The following SPOCK1 variants were observed in gnomAD, a reference collection of about 807,000 sequenced individuals.
SPOCK1 encodes testican-1.
A neutral mutation model predicts 55.3 loss-of-function variants in SPOCK1; 23 were observed. The ratio of observed to expected loss-of-function variants is 0.42; its 90% CI spans 0.30 to 0.59. The LOEUF is 0.59. SPOCK1 is among the 20% of genes least tolerant of loss of function. SPOCK1 has a pLI of 0.22. For synonymous variants in SPOCK1, 226 were observed against 221.0 expected (o/e 1.02, Z -0.20); for missense variants, 499 against 552.5 (o/e 0.90, Z 0.97).
At chr5:137,080,303 T>G (rs1175265905) in intron 5 of SPOCK1, among the ~76,000 whole-genome samples, 1 of 152,218 alleles carries the variant, frequency 6.6e-6, no homozygotes, top group Non-Finnish European at 1.5e-5. Flanking sequence ...TTCTAAAGTC[T>G]GTGCTCTTAA....
chr5:136,992,419 G>A (rs1045363654), intron 7 of SPOCK1, 65 bp downstream of exon 7: 1 of 1,233,922 alleles, frequency 8.1e-7, no homozygotes, highest in Non-Finnish European at 1.1e-6. Flanking sequence ...ACCCCCAAAT[G>A]ATATTGCTAA....
chr5:137,483,336 T>TA (rs1368675818), intron 2 of SPOCK1, among the ~76,000 whole-genome samples: 3 of 152,040 alleles, frequency 2.0e-5, no homozygotes, highest in African/African-American at 7.2e-5. Flanking sequence ...ATCCCAGAAA[T>TA]AAAAATAAAA....
Position 136,978,159 on chromosome 5 carries a change from C to T in SPOCK1, c.*495G>A, listed in dbSNP as rs1030256458. 9 of 381,948 alleles carry T rather than the reference C, an allele frequency of 2.4e-5. No homozygotes were observed. The highest frequency in any genetic ancestry group is 4.5e-5 in the Admixed American group (1 of 22,242). 23.7% of individuals were successfully genotyped at this position (381,948 alleles called of 1,614,324 possible). A position where few individuals can be genotyped will look rare whatever the true frequency, so the allele number is the denominator to read the frequency against. Reference sequence around the variant, plus strand: ...TTTTAATAATAATCACCGGCAGTAACGGGGGCAGGGGGAAAAAGTACAGTG... The same window carrying T: ...TTTTAATAATAATCACCGGCAGTAATGGGGGCAGGGGGAAAAAGTACAGTG... On this transcript the variant is annotated 3_prime_UTR_variant, in exon 11 of 11. Coordinates refer to ENST00000394945, the MANE Select transcript of SPOCK1 (RefSeq NM_004598.4).
At chr5:137,364,515 G>A (rs918872567) in intron 2 of SPOCK1, among the ~76,000 whole-genome samples, 1 of 152,162 alleles carries the variant, frequency 6.6e-6, no homozygotes, top group Non-Finnish European at 1.5e-5. Context: ...TTGCATGAGG[G>A]TCCCACAGCC....
chr5:137,140,747 A>ATT (rs11309240), intron 3 of SPOCK1, 53 bp from the exon 4 acceptor site: 14,649 of 348,186 alleles, frequency 0.042, 48 homozygotes, highest in East Asian at 0.071. Flanking sequence ...GGGAAATTTA[A>ATT]TTTTTTTTTT....
intron 3 of SPOCK1, among the ~76,000 whole-genome samples, chr5:137,168,409 G>A (rs1357212467): frequency 6.6e-6 from 1 of 152,024 alleles, no homozygotes; most frequent in Non-Finnish European, 1.5e-5. Flanking sequence ...ACAAAGTGAA[G>A]AGACAACCCA....
chr5:137,340,618 C>A (rs577369941), intron 2 of SPOCK1, among the ~76,000 whole-genome samples: 10 of 152,134 alleles, frequency 6.6e-5, no homozygotes, highest in African/African-American at 2.4e-4. Context: ...CGGTGGCTCA[C>A]GCCTGTAATC....
intron 2 of SPOCK1, among the ~76,000 whole-genome samples, chr5:137,320,035 C>T (rs532511209): frequency 1.3e-5 from 2 of 151,582 alleles, no homozygotes; most frequent in African/African-American, 2.4e-5. Flanking sequence ...GTCACAGTAC[C>T]CCAGGCAACT....
chr5:137,439,914 C>A (rs1752956157), intron 2 of SPOCK1, among the ~76,000 whole-genome samples: 1 of 152,206 alleles, frequency 6.6e-6, no homozygotes, highest in East Asian at 1.9e-4. Context: ...TCAGTGTCAA[C>A]TAGCCCCACC....
At chr5:137,268,911 C>T (rs1348761075) in intron 2 of SPOCK1, among the ~76,000 whole-genome samples, 1 of 152,338 alleles carries the variant, frequency 6.6e-6, no homozygotes, top group East Asian at 1.9e-4. Context: ...GAACCAAAGA[C>T]AAGTTCCTTT....
At chr5:137,187,767 T>C (rs4976416) in intron 3 of SPOCK1, among the ~76,000 whole-genome samples, 88,025 of 151,956 alleles carry the variant, frequency 0.58, 27,147 homozygotes, top group Non-Finnish European at 0.68. Flanking sequence ...TATAGTTATG[T>C]GGGAGCCTAA....
intron 2 of SPOCK1, among the ~76,000 whole-genome samples, chr5:137,464,538 G>C (rs1014715593): frequency 6.8e-5 from 10 of 146,494 alleles, no homozygotes; most frequent in African/African-American, 2.5e-4. Flanking sequence ...CAAGAAGCCA[G>C]TGAAGATGGG....
chr5:137,020,757 G>A (rs547915743), intron 6 of SPOCK1, among the ~76,000 whole-genome samples: 1 of 151,916 alleles, frequency 6.6e-6, no homozygotes, highest in East Asian at 1.9e-4. Flanking sequence ...GAAGAGACAT[G>A]AACAGGAACT....
At chr5:137,398,901 T>C (rs1332930501) in intron 2 of SPOCK1, among the ~76,000 whole-genome samples, 1 of 152,146 alleles carries the variant, frequency 6.6e-6, no homozygotes, top group African/African-American at 2.4e-5. Context: ...CCAATAGGTA[T>C]ACAGCATGCA....
intron 3 of SPOCK1, among the ~76,000 whole-genome samples, chr5:137,240,797 A>T (rs1382833927): frequency 6.6e-6 from 1 of 152,268 alleles, no homozygotes; most frequent in Non-Finnish European, 1.5e-5. Context: ...AAGGACAAGC[A>T]TATCAGACAG....
intron 3 of SPOCK1, among the ~76,000 whole-genome samples, chr5:137,198,028 G>GT (rs1189136061): frequency 3.3e-5 from 5 of 152,130 alleles, no homozygotes; most frequent in African/African-American, 7.2e-5. Context: ...ATAATAGAGT[G>GT]TTTTTTTCGT....
chr5:137,034,149 C>A (rs562131321), intron 6 of SPOCK1, among the ~76,000 whole-genome samples: 1 of 152,332 alleles, frequency 6.6e-6, no homozygotes, highest in African/African-American at 2.4e-5. Flanking sequence ...TCTCTCCTGC[C>A]CTGGAGGACA....
intron 2 of SPOCK1, among the ~76,000 whole-genome samples, chr5:137,328,476 C>T (rs1758116172): frequency 6.6e-6 from 1 of 152,198 alleles, no homozygotes; most frequent in African/African-American, 2.4e-5. Flanking sequence ...AGCTCCTGAG[C>T]AGGCAGGCCA....
At chr5:137,406,977 C>T (rs1752112484) in intron 2 of SPOCK1, among the ~76,000 whole-genome samples, 1 of 152,148 alleles carries the variant, frequency 6.6e-6, no homozygotes, top group Non-Finnish European at 1.5e-5. Context: ...AAGAAATCTG[C>T]CTAAGGCCAA....
Sources: gnomAD v4.1 joint callset for allele counts (sites outside exome capture counted in the v4.1 genomes callset) on GRCh38, gnomAD v4.1.1 for gene constraint, MANE v1.5 for transcripts, NCBI Gene and HGNC (gene_info 2026-07-23, HGNC 2026-07-21) for gene names.